The following POLA1 variants were observed in gnomAD, a reference collection of about 807,000 sequenced individuals.
POLA1 encodes the protein DNA polymerase alpha catalytic subunit.
In POLA1, 15 loss-of-function variants were observed where a neutral mutation model predicts 124.0. The observed-to-expected ratio is 0.12, with a 90% CI of 0.08 to 0.19. POLA1 has a LOEUF of 0.19. Among genes scored for constraint, POLA1 ranks in the 10% least tolerant of loss-of-function variants. The pLI, the probability that POLA1 is intolerant of heterozygous loss-of-function variation, is 1.00. For synonymous variants in POLA1, 408 were observed against 389.4 expected, an observed-to-expected ratio of 1.05 and a Z score of -0.56; for missense variants, 886 against 1,103.4, an observed-to-expected ratio of 0.80 and a Z score of 2.79.
At chrX:24,703,521 G>A (rs888785405) in intron 3 of POLA1, among the ~76,000 whole-genome samples, 174 bp downstream of exon 3, 2 of 112,367 alleles carry the variant, frequency 1.8e-5, no homozygotes, top group Non-Finnish European at 3.8e-5. Context: ...GGATGAGGAA[G>A]CAGAATAGCA....
chrX:24,780,269 G>C (rs2045232918), intron 26 of POLA1, among the ~76,000 whole-genome samples: 1 of 112,191 alleles, frequency 8.9e-6, no homozygotes, highest in East Asian at 2.8e-4. Context: ...AAAGATTGCT[G>C]TTCTTTAAAT....
chrX:24,930,345 G>C (rs1380339055), intron 35 of POLA1, 108 bp from the exon 36 acceptor site: 1 of 530,190 alleles, frequency 1.9e-6, no homozygotes, highest in Non-Finnish European at 3.2e-6. Context: ...TTTAAAAAAT[G>C]CTGCTTGATT....
chrX:24,978,189 G>A (rs886628033), intron 36 of POLA1, among the ~76,000 whole-genome samples: 2 of 111,894 alleles, frequency 1.8e-5, no homozygotes, highest in African/African-American at 6.5e-5. Context: ...AGTTTTCAAT[G>A]TAGGCTTTTT....
At chrX:24,707,669 G>T (rs1220092325) in intron 4 of POLA1, among the ~76,000 whole-genome samples, 2 of 112,383 alleles carry the variant, frequency 1.8e-5, no homozygotes, top group Non-Finnish European at 1.9e-5. Flanking sequence ...CAACTATGGT[G>T]TGGCTCTAAT....
intron 32 of POLA1, among the ~76,000 whole-genome samples, chrX:24,836,184 A>G (rs2046339432): frequency 8.9e-6 from 1 of 112,130 alleles, no homozygotes; most frequent in South Asian, 3.7e-4. Context: ...TGTGAGATTC[A>G]TCCATGTGGT....
intron 34 of POLA1, among the ~76,000 whole-genome samples, chrX:24,868,804 G>A (rs924214442): frequency 2.7e-5 from 3 of 111,982 alleles, no homozygotes; most frequent in African/African-American, 9.7e-5. Context: ...TAACCTGTAA[G>A]TAATCCATCA....
rs1399004402 is a variant in POLA1, at chrX:24,748,839, T to A, written c.2842-31T>A. 4 of 1,197,456 alleles carry A rather than the reference T, an allele frequency of 3.3e-6. No individual in the cohort carries two copies. The African/African-American group carries it at 7.0e-5, about 21-fold the overall frequency. On this transcript the variant is annotated intron_variant, in intron 25 of 36. Transcript: ENST00000379068. The stretch of plus-strand genomic sequence containing the variant: ...AATGCTTAACCATCTGTAAATGTTG[T>A]TGTTTGTCTTTTGTTCTGTGTGGCC...
intron 35 of POLA1, among the ~76,000 whole-genome samples, chrX:24,930,007 G>C (rs2047751337): frequency 8.9e-6 from 1 of 112,112 alleles, no homozygotes; most frequent in Non-Finnish European, 1.9e-5. Flanking sequence ...GCAATGGATT[G>C]TCACCACAAA....
chrX:24,859,594 T>C (rs1403155205), intron 34 of POLA1, among the ~76,000 whole-genome samples: 2 of 112,601 alleles, frequency 1.8e-5, no homozygotes, highest in Non-Finnish European at 3.8e-5. Flanking sequence ...CACACCTCTG[T>C]GGCAGCACCT....
chrX:24,741,880 AAAG>A (rs1931683562), intron 21 of POLA1, 119 bp from the exon 22 acceptor site: 2 of 513,336 alleles, frequency 3.9e-6, no homozygotes, highest in Admixed American at 4.1e-5. Context: ...TTTTAAAAAA[AAAG>A]CAGACCGTTA....
chrX:24,780,144 G>T (rs1462632155), intron 26 of POLA1, among the ~76,000 whole-genome samples: 2 of 112,145 alleles, frequency 1.8e-5, no homozygotes, highest in Non-Finnish European at 3.8e-5. Context: ...AGTTCGGCCT[G>T]TAGTTTTCTT....
chrX:24,758,014 A>G (rs1378520061), intron 26 of POLA1, among the ~76,000 whole-genome samples: 1 of 111,333 alleles, frequency 9.0e-6, no homozygotes, highest in African/African-American at 3.3e-5. Flanking sequence ...ATTTGTCTAC[A>G]TTCTTTCAAA....
rs1231464001 is a variant in POLA1, at chrX:24,819,366, A to AT, written c.3430-2073dup. Among the ~76,000 whole-genome samples the AT allele has an allele frequency of 5.4e-3, 565 of 103,723 alleles. 1 individual carries two copies. Among genetic ancestry groups the AT allele is most frequent in the African/African-American group, 0.016 (462 of 28,850 alleles). 90.1% of individuals were successfully genotyped at this position (103,723 alleles called of 115,157 possible). A position where few individuals can be genotyped will look rare whatever the true frequency, so the allele number is the denominator to read the frequency against. The stretch of plus-strand genomic sequence containing the variant: ...TATCATTGACAATATATACTGTCAG[A>AT]TTTTTTTTTTTTTGCCTTGAAGTGG... On this transcript the variant is annotated intron_variant, in intron 30 of 36. Coordinates refer to ENST00000379068, the MANE Select transcript of POLA1 (RefSeq NM_001330360.2).
Position 24,996,233 on chromosome X carries a change from C to T in POLA1, c.*283C>T. 4.3e-6 allele frequency: 1 copy of T among 233,775 alleles called. No homozygotes were observed. The highest frequency in any genetic ancestry group is 7.6e-6 in the Non-Finnish European group (1 of 131,425). The allele number at this position is 233,775 out of a possible 1,213,427, so 19.3% of individuals were successfully genotyped here. On this transcript the variant is annotated 3_prime_UTR_variant, in exon 37 of 37. Coordinates refer to ENST00000379068, the MANE Select transcript of POLA1 (RefSeq NM_001330360.2). ...CCCCAAGCTCCTGAAGACCCGGTTTCTGAGGGAGGGAAATTGCTACTTGGA... is the reference window on the plus strand; with the variant it reads ...CCCCAAGCTCCTGAAGACCCGGTTTTTGAGGGAGGGAAATTGCTACTTGGA...
At chrX:24,714,438 GA>G (rs1229897698) in intron 4 of POLA1, 115 bp from the exon 5 acceptor site, 9 of 464,240 alleles carry the variant, frequency 1.9e-5, no homozygotes, top group Non-Finnish European at 3.3e-5. Context: ...ATACAGGCAT[GA>G]TGTATTTTTA....
At chrX:24,744,500 T>C (rs769173929) in intron 23 of POLA1, 3 of 351,576 alleles carry the variant, frequency 8.5e-6, no homozygotes, top group Non-Finnish European at 5.4e-6. Flanking sequence ...GTAAATGTCC[T>C]ACAGAAATAT....
At chrX:24,699,685 A>G in intron 2 of POLA1, 136 bp downstream of exon 2, 1 of 433,872 alleles carries the variant, frequency 2.3e-6, no homozygotes, top group Admixed American at 5.1e-5. Flanking sequence ...ATTTATTAGT[A>G]TTGGACAAGC....
intron 30 of POLA1, among the ~76,000 whole-genome samples, chrX:24,819,222 T>G (rs1250313370): frequency 8.9e-6 from 1 of 112,643 alleles, no homozygotes; most frequent in East Asian, 2.8e-4. Flanking sequence ...ATATCAAAAA[T>G]TACGTTTTAA....
At chrX:24,752,570 A>G in intron 26 of POLA1, among the ~76,000 whole-genome samples, 1 of 111,995 alleles carries the variant, frequency 8.9e-6, no homozygotes. Context: ...TCAGTTGTCA[A>G]ATGTCTGATG....
Sources: allele counts gnomAD v4.1 joint callset (sites outside exome capture counted in the v4.1 genomes callset), GRCh38; gene constraint gnomAD v4.1.1; transcripts MANE v1.5; gene names NCBI Gene and HGNC (gene_info 2026-07-23, HGNC 2026-07-21).